The following SLFN12L variants were observed in gnomAD, a reference collection of about 807,000 sequenced individuals.
The protein encoded by SLFN12L is schlafen family member 12-like.
Under a neutral mutation model 34.8 loss-of-function variants are expected in SLFN12L, and 34 were observed. That is an observed-to-expected ratio of 0.98 (90% CI 0.74 to 1.30). The LOEUF is 1.30. Ranked by LOEUF, SLFN12L falls within the 50% of genes most tolerant of loss-of-function variation. The pLI, the probability that SLFN12L is intolerant of heterozygous loss-of-function variation, is 0.00. For synonymous variants in SLFN12L, 259 were observed against 247.5 expected (o/e 1.05, Z -0.44); for missense variants, 703 against 696.2 (o/e 1.01, Z -0.11).
At chr17:35,507,772 C>T (rs34377433) in intron 2 of SLFN12L, among the ~76,000 whole-genome samples, 7,319 of 152,292 alleles carry the variant, frequency 0.048, 263 homozygotes, top group South Asian at 0.12. Flanking sequence ...AGCTTCATCA[C>T]TACCTTAGTT....
intron 1 of SLFN12L, among the ~76,000 whole-genome samples, chr17:35,535,060 T>C (rs901144661): frequency 6.6e-6 from 1 of 152,168 alleles, no homozygotes; most frequent in African/African-American, 2.4e-5. Flanking sequence ...AATACTATTA[T>C]CTTTATTTTA....
intron 2 of SLFN12L, among the ~76,000 whole-genome samples, chr17:35,512,303 A>C (rs187474774): frequency 6.1e-4 from 87 of 143,544 alleles, no homozygotes; most frequent in Middle Eastern, 3.7e-3. Context: ...GGTAAACTTA[A>C]GATGGGAACA....
intron 2 of SLFN12L, chr17:35,510,394 T>C (rs895630765): frequency 4.6e-5 from 7 of 152,246 alleles, no homozygotes; most frequent in African/African-American, 7.2e-5. Context: ...ATGTAGTGTA[T>C]GCATGCAGTG....
chr17:35,486,353 C>G (rs1198997232), intron 2 of SLFN12L, among the ~76,000 whole-genome samples: 1 of 152,086 alleles, frequency 6.6e-6, no homozygotes, highest in Non-Finnish European at 1.5e-5. Flanking sequence ...GGCTCACCCA[C>G]CATACACAGA....
Position 35,479,982 on chromosome 17 carries a change from C to T in SLFN12L, c.300G>A (p.Val100=), listed in dbSNP as rs1914253866. Residue 100 remains valine, a synonymous_variant, in exon 3 of 5, where the codon GTG becomes GTA. Transcript: ENST00000628453. ...CTTTATTCTCAACTTCAGCCTTGAT[C>T]ACTCCCCCTCCAGAATTCAGCAGAG... The part of the protein sequence containing the change: ...VCALLNSGGG[V]IKAEVENKGY... 8.7e-6 allele frequency: 14 copies of T among 1,614,150 alleles called. No homozygotes were observed. The highest frequency in any genetic ancestry group is 1.2e-5 in the Non-Finnish European group (14 of 1,180,024).
chr17:35,490,333 A>G (rs1285424865), intron 2 of SLFN12L: 1 of 1,397,824 alleles, frequency 7.2e-7, no homozygotes, highest in East Asian at 2.3e-5. Context: ...AAACTCCAAA[A>G]TCTACCTCAG....
intron 2 of SLFN12L, among the ~76,000 whole-genome samples, chr17:35,486,445 T>G (rs1316066593): frequency 6.6e-6 from 1 of 152,146 alleles, no homozygotes; most frequent in East Asian, 1.9e-4. Flanking sequence ...CCATGGGAGC[T>G]GCAGTTGAGC....
rs188318828 is a variant in SLFN12L at position 35,530,498 on chromosome 17, A to C, written c.-606+7075T>G. On this transcript the variant is annotated intron_variant, in intron 1 of 4. Coordinates refer to ENST00000628453, the MANE Select transcript of SLFN12L (RefSeq NM_001363830.2). ...AAAGAAAGAAAGAAAGAAAGAAAGA[A>C]AGAAAGAAAGAAAGAAAAGAAAAGA... Among the ~76,000 whole-genome samples the C allele has an allele frequency of 2.2e-3, 84 of 38,800 alleles. 4 individuals carry two copies. The highest frequency in any genetic ancestry group is 5.6e-3 in the African/African-American group (80 of 14,288). The allele number at this position is 38,800 out of a possible 152,430, so 25.5% of individuals were successfully genotyped here.
chr17:35,488,089 G>C (rs573178574), intron 2 of SLFN12L, among the ~76,000 whole-genome samples: 47 of 152,268 alleles, frequency 3.1e-4, no homozygotes, highest in African/African-American at 1.1e-3. Context: ...GGCGCCTGTA[G>C]TCCCAGCTAC....
intron 1 of SLFN12L, among the ~76,000 whole-genome samples, chr17:35,527,655 C>T (rs1014378453): frequency 1.3e-5 from 2 of 152,150 alleles, no homozygotes; most frequent in Non-Finnish European, 2.9e-5. Context: ...TTCAACACCC[C>T]TCCATGCTAA....
chr17:35,470,359 C>T lies in SLFN12L; in HGVS notation c.*4564G>A, dbSNP rs563807758. ...TTCAAATGGGGCTGGCCTGGTGATA[C>T]TGGAGACAATAAATGCGCCTGTAAG... On this transcript the variant is annotated 3_prime_UTR_variant, in exon 5 of 5. Coordinates refer to ENST00000628453, the MANE Select transcript of SLFN12L (RefSeq NM_001363830.2). 65 of 159,446 alleles carry T rather than the reference C, an allele frequency of 4.1e-4. No homozygotes were observed. The highest frequency in any genetic ancestry group is 7.0e-4 in the Non-Finnish European group (51 of 72,654). The allele number at this position is 159,446 out of a possible 1,614,324, so 9.9% of individuals were successfully genotyped here.
chr17:35,479,130 C>T lies in SLFN12L; in HGVS notation c.1152G>A (p.Val384=), dbSNP rs55900886. The change falls in exon 3 of 5, where the codon GTG becomes GTA. Residue 384 remains valine, a synonymous_variant. Transcript: ENST00000628453. ...LTEKEWIQFM[V]DSEPVCEELP... ...TCCTTCCTCAACCTGGTTCTGAATC[C>T]ACCATGAACTGGATCCATTCCTTCT... 1,431 of 1,559,138 alleles carry T rather than the reference C, an allele frequency of 9.2e-4. 12 individuals are homozygous for T. The African/African-American group carries it at 0.017, about 18-fold the overall frequency.
chr17:35,485,017 AT>A (rs1297364374), intron 2 of SLFN12L, among the ~76,000 whole-genome samples: 1 of 152,180 alleles, frequency 6.6e-6, no homozygotes, highest in Non-Finnish European at 1.5e-5. Flanking sequence ...ATTTGTTGGC[AT>A]ACAATTTTTT....
intron 2 of SLFN12L, chr17:35,500,003 G>A (rs544903556): frequency 4.6e-5 from 7 of 152,920 alleles, no homozygotes; most frequent in African/African-American, 1.4e-4. Context: ...TGAAATTCAG[G>A]TAGCTCTGCC....
At chr17:35,513,035 A>G (rs1415117297) in intron 2 of SLFN12L, among the ~76,000 whole-genome samples, 1 of 152,030 alleles carries the variant, frequency 6.6e-6, no homozygotes, top group Non-Finnish European at 1.5e-5. Context: ...GGCTAGTGCA[A>G]AAGGTTTCTT....
chr17:35,531,191 T>G (rs142292183), intron 1 of SLFN12L, among the ~76,000 whole-genome samples: 5 of 152,264 alleles, frequency 3.3e-5, no homozygotes, highest in Non-Finnish European at 7.3e-5. Context: ...AAAAGTTTTG[T>G]TTTTCCTTGT....
intron 2 of SLFN12L, among the ~76,000 whole-genome samples, chr17:35,509,315 G>A (rs1915562966): frequency 6.6e-6 from 1 of 152,204 alleles, no homozygotes; most frequent in Non-Finnish European, 1.5e-5. Flanking sequence ...TCATTGGAAT[G>A]GTGGTTTTGT....
At chr17:35,517,540 A>G (rs572822701) in intron 2 of SLFN12L, among the ~76,000 whole-genome samples, 5 of 152,334 alleles carry the variant, frequency 3.3e-5, no homozygotes, top group African/African-American at 1.2e-4. Flanking sequence ...CAGAATTAGA[A>G]AAAACTACTG....
At position 35,467,510 on chromosome 17, in the gene SLFN12L, G is replaced by A. The variant is rs1236413025; in HGVS notation, c.*7413C>T. Among the ~76,000 whole-genome samples the A allele has an allele frequency of 6.6e-6, 1 of 152,082 alleles. No individual in the cohort carries two copies. The highest frequency in any genetic ancestry group is 2.4e-5 in the African/African-American group (1 of 41,370). The stretch of plus-strand genomic sequence containing the variant: ...ACTGAATGGGCTCCCGAAACAAACA[G>A]GCATTCAATAAAACTTTCATGACCC... On this transcript the variant is annotated 3_prime_UTR_variant, in exon 5 of 5. Coordinates refer to ENST00000628453, the MANE Select transcript of SLFN12L (RefSeq NM_001363830.2).
Sources: gnomAD v4.1 joint callset for allele counts (sites outside exome capture counted in the v4.1 genomes callset) on GRCh38, gnomAD v4.1.1 for gene constraint, MANE v1.5 for transcripts, NCBI Gene and HGNC (gene_info 2026-07-23, HGNC 2026-07-21) for gene names.